PPHLN1: variants seen among roughly 807,000 people sequenced by gnomAD.
PPHLN1 encodes periphilin 1, also known as periphilin-1.
A neutral mutation model predicts 51.3 loss-of-function variants in PPHLN1; 29 were observed. That is an observed-to-expected ratio of 0.57 (90% confidence interval 0.42 to 0.77). The LOEUF is 0.77. PPHLN1 is among the 30% of genes least tolerant of loss of function. The pLI, the probability that PPHLN1 is intolerant of heterozygous loss-of-function variation, is 0.00. For missense variants in PPHLN1, 436 were observed against 438.4 expected (o/e 0.99, Z 0.05); for synonymous variants, 147 against 147.8 (o/e 0.99, Z 0.04).
chr12:42,356,889 C>T (rs71453351), intron 4 of PPHLN1, among the ~76,000 whole-genome samples: 9 of 152,082 alleles, frequency 5.9e-5, no homozygotes, highest in South Asian at 2.1e-4. Flanking sequence ...GAATGAAAAA[C>T]GCAACTACTT....
chr12:42,384,304 A>G (rs562178864), intron 5 of PPHLN1, among the ~76,000 whole-genome samples: 2 of 152,242 alleles, frequency 1.3e-5, no homozygotes, highest in African/African-American at 2.4e-5. Context: ...ATTTGAAGTC[A>G]TTGTTATGGA....
At chr12:42,355,070 A>G in intron 3 of PPHLN1, 91 bp from the exon 4 acceptor site, 1 of 1,179,102 alleles carries the variant, frequency 8.5e-7, no homozygotes, top group Non-Finnish European at 1.3e-6. Context: ...GTTTAGGGAA[A>G]TTCGGTCTAG....
intron 5 of PPHLN1, among the ~76,000 whole-genome samples, chr12:42,378,840 G>C (rs926475087): frequency 6.6e-6 from 1 of 151,982 alleles, no homozygotes; most frequent in Non-Finnish European, 1.5e-5. Context: ...TTTTCATCCT[G>C]TACTTTACTT....
intron 9 of PPHLN1, among the ~76,000 whole-genome samples, chr12:42,433,949 T>A (rs912954886): frequency 6.6e-6 from 1 of 152,144 alleles, no homozygotes; most frequent in African/African-American, 2.4e-5. Flanking sequence ...AAATTTATTT[T>A]AAAAAAACAT....
chr12:42,446,260 GCT>G, downstream of PPHLN1: 1 of 1,608,830 alleles, frequency 6.2e-7, no homozygotes, highest in Non-Finnish European at 8.5e-7. Flanking sequence ...TCCTTGCTAT[GCT>G]CTCTGTTGTA....
downstream of PPHLN1, chr12:42,446,621 G>T (rs1379410101): frequency 1.2e-6 from 2 of 1,613,024 alleles, no homozygotes; most frequent in African/African-American, 1.3e-5. Flanking sequence ...AGCAGTAACT[G>T]CTATGCCTGA....
Position 42,434,717 on chromosome 12 carries a change from G to A in PPHLN1, c.910-6598G>A, listed in dbSNP as rs923133880. Among the ~76,000 whole-genome samples the A allele has an allele frequency of 6.6e-5, 10 of 152,078 alleles. No homozygotes were observed. The East Asian group carries it at 7.7e-4, about 12-fold the overall frequency. On this transcript the variant is annotated intron_variant, in intron 9 of 9. Transcript: ENST00000358314. Reference sequence around the variant, plus strand: ...TTGTTTTTGTTTTGTTTTTTGAGACGGAGTCTTGCTCTGTCTCCTGGGCTG... The same window carrying A: ...TTGTTTTTGTTTTGTTTTTTGAGACAGAGTCTTGCTCTGTCTCCTGGGCTG...
At chr12:42,442,923 G>A, downstream of PPHLN1, 17 of 965,246 alleles carry the variant, frequency 1.8e-5, no homozygotes, top group Non-Finnish European at 2.5e-5. Flanking sequence ...GCAAACTGTT[G>A]TTTCCCATAA....
chr12:42,328,028 A>T (rs1399054295), intron 1 of PPHLN1, among the ~76,000 whole-genome samples: 1 of 147,162 alleles, frequency 6.8e-6, no homozygotes, highest in Non-Finnish European at 1.5e-5. Flanking sequence ...AATTTTATTA[A>T]AAAAAAAAAA....
chr12:42,369,503 T>C (rs375229137), intron 4 of PPHLN1, among the ~76,000 whole-genome samples: 2 of 152,216 alleles, frequency 1.3e-5, no homozygotes, highest in Non-Finnish European at 2.9e-5. Context: ...ATAGGGTAAA[T>C]AGACATAGCT....
chr12:42,338,270 G>C (rs1216004023), intron 2 of PPHLN1, among the ~76,000 whole-genome samples: 1 of 152,148 alleles, frequency 6.6e-6, no homozygotes, highest in African/African-American at 2.4e-5. Flanking sequence ...TACTTAAAAG[G>C]GTTTTCTGTG....
chr12:42,445,024 C>T (rs1329741035), downstream of PPHLN1: 7 of 702,018 alleles, frequency 1.0e-5, no homozygotes, highest in Non-Finnish European at 1.3e-5. Context: ...AGTGACTCTG[C>T]TTACTCTGTT....
chr12:42,326,375 T>G (rs1187216419), intron 1 of PPHLN1, 146 bp downstream of exon 1: 1 of 152,032 alleles, frequency 6.6e-6, no homozygotes, highest in African/African-American at 2.4e-5. Context: ...CGGTTGAGGG[T>G]GGAGAGACGC....
intron 7 of PPHLN1, 77 bp downstream of exon 7, chr12:42,387,612 CT>C (rs1431877555): frequency 1.5e-5 from 22 of 1,499,360 alleles, no homozygotes; most frequent in Non-Finnish European, 1.6e-5. Context: ...TGCTTTTATT[CT>C]TTACTGTTAT....
At chr12:42,411,507 TAAC>T (rs1002503007) in intron 9 of PPHLN1, among the ~76,000 whole-genome samples, 1 of 152,192 alleles carries the variant, frequency 6.6e-6, no homozygotes, top group African/African-American at 2.4e-5. Context: ...ATAGAAATGA[TAAC>T]AAAAAACAAA....
intron 9 of PPHLN1, among the ~76,000 whole-genome samples, chr12:42,440,320 A>G (rs1566044207): frequency 6.6e-6 from 1 of 152,094 alleles, no homozygotes; most frequent in Non-Finnish European, 1.5e-5. Context: ...TGACTTTTGT[A>G]TATTAAGAAA....
At chr12:42,406,086 G>GTTTTTTT (rs56927510) in intron 9 of PPHLN1, among the ~76,000 whole-genome samples, 80 of 135,220 alleles carry the variant, frequency 5.9e-4, no homozygotes, top group Non-Finnish European at 9.5e-4. Context: ...GTTTAGTCTG[G>GTTTTTTT]TTTTTTTTTT....
intron 2 of PPHLN1, among the ~76,000 whole-genome samples, chr12:42,342,849 A>T (rs1592234900): frequency 6.6e-6 from 1 of 152,216 alleles, no homozygotes; most frequent in African/African-American, 2.4e-5. Context: ...TGAGTTACAT[A>T]ATTAGTTTTT....
At chr12:42,352,630 G>A (rs2138230522) in intron 3 of PPHLN1, among the ~76,000 whole-genome samples, 1 of 151,578 alleles carries the variant, frequency 6.6e-6, no homozygotes, top group Non-Finnish European at 1.5e-5. Context: ...GGCTGGTCTT[G>A]AACTCCTGAC....
Sources: gnomAD v4.1 joint callset for allele counts (sites outside exome capture counted in the v4.1 genomes callset) on GRCh38, gnomAD v4.1.1 for gene constraint, MANE v1.5 for transcripts, NCBI Gene and HGNC (gene_info 2026-07-23, HGNC 2026-07-21) for gene names.